The following SRGAP1 variants were observed in gnomAD, a reference collection of about 807,000 sequenced individuals.
The protein encoded by SRGAP1 is SLIT-ROBO Rho GTPase-activating protein 1.
A neutral mutation model predicts 121.9 loss-of-function variants in SRGAP1; 43 were observed. The ratio of observed to expected loss-of-function variants is 0.35; its 90% CI spans 0.28 to 0.46. The LOEUF is 0.46. Ranked by LOEUF, SRGAP1 falls within the 20% of genes least tolerant of loss-of-function variation. The probability of loss-of-function intolerance (pLI) is 1.00; values close to 1 mark genes in which losing one functional copy is unlikely to be tolerated. For synonymous variants in SRGAP1, 447 were observed against 485.4 expected, an observed-to-expected ratio of 0.92 and a Z score of 1.04; for missense variants, 1,102 against 1,350.9, an observed-to-expected ratio of 0.82 and a Z score of 2.89.
intron 1 of SRGAP1, among the ~76,000 whole-genome samples, chr12:63,856,359 T>C (rs930298672): frequency 1.3e-5 from 2 of 152,192 alleles, no homozygotes; most frequent in Non-Finnish European, 2.9e-5. Flanking sequence ...CAATTATTTA[T>C]ATTTGGTGTT....
At chr12:63,907,279 G>A (rs1378216193) in intron 1 of SRGAP1, among the ~76,000 whole-genome samples, 2 of 152,146 alleles carry the variant, frequency 1.3e-5, no homozygotes, top group African/African-American at 4.8e-5. Flanking sequence ...GCTCATGCCT[G>A]TAATCCCAGC....
chr12:64,065,369 A>T, intron 8 of SRGAP1, 150 bp downstream of exon 8: 1 of 697,306 alleles, frequency 1.4e-6, no homozygotes, highest in Non-Finnish European at 2.4e-6. Context: ...TACTCTTTGT[A>T]GGGGATAAAT....
chr12:63,874,212 T>C (rs1015075801), intron 1 of SRGAP1, among the ~76,000 whole-genome samples: 1 of 149,452 alleles, frequency 6.7e-6, no homozygotes, highest in Non-Finnish European at 1.5e-5. Flanking sequence ...AGTATGACTC[T>C]TTTTTTTTTG....
intron 14 of SRGAP1, 111 bp from the exon 15 acceptor site, chr12:64,097,130 C>A (rs2136593743): frequency 9.3e-7 from 1 of 1,072,982 alleles, no homozygotes; most frequent in Non-Finnish European, 1.3e-6. Context: ...TTTCATAAAG[C>A]ATAATTAAAA....
At chr12:64,082,743 C>G (rs117395553) in intron 10 of SRGAP1, among the ~76,000 whole-genome samples, 2,999 of 152,312 alleles carry the variant, frequency 0.02, 42 homozygotes, top group Middle Eastern at 0.068. Context: ...CCACCGTGCC[C>G]AGCTCAGGAT....
rs1422001995 is a variant in SRGAP1 at position 64,095,210 on chromosome 12, T to C, written c.1678+6T>C. 2.5e-6 allele frequency: 4 copies of C among 1,612,630 alleles called. No homozygotes were observed. The highest frequency in any genetic ancestry group is 2.5e-6 in the Non-Finnish European group (3 of 1,179,158). ...TAAAAATTCATTTGAGAGAGGTAAT[T>C]GCACGTCTATCCCTATAAGCAAACC... On this transcript the variant is annotated splice_donor_region_variant and intron_variant, in intron 14 of 21. Transcript: ENST00000355086.
chr12:64,111,697 T>TTAA, intron 16 of SRGAP1, 65 bp from the exon 17 acceptor site: 3 of 1,389,592 alleles, frequency 2.2e-6, no homozygotes, highest in Non-Finnish European at 2.9e-6. Flanking sequence ...TATCTTGTTA[T>TTAA]TAAACATTTA....
chr12:64,102,594 A>G (rs967599776), intron 15 of SRGAP1, among the ~76,000 whole-genome samples: 4 of 152,162 alleles, frequency 2.6e-5, no homozygotes, highest in Admixed American at 2.6e-4. Context: ...CCCCGGCCCT[A>G]GGCAATCACT....
intron 1 of SRGAP1, among the ~76,000 whole-genome samples, chr12:63,946,220 G>A (rs982746777): frequency 6.6e-6 from 1 of 151,284 alleles, no homozygotes; most frequent in Admixed American, 6.6e-5. Flanking sequence ...TCTCCTTTAT[G>A]TTACCATTGT....
At chr12:64,052,568 A>AT (rs1271531073) in intron 6 of SRGAP1, among the ~76,000 whole-genome samples, 2 of 151,924 alleles carry the variant, frequency 1.3e-5, no homozygotes, top group African/African-American at 4.8e-5. Context: ...AAAAAAAAAC[A>AT]AAATAAACGT....
At chr12:64,112,765 T>C (rs1190660088) in intron 17 of SRGAP1, among the ~76,000 whole-genome samples, 2 of 152,110 alleles carry the variant, frequency 1.3e-5, no homozygotes, top group African/African-American at 4.8e-5. Flanking sequence ...TGAAGGTCAT[T>C]ATGTTAAGTG....
chr12:64,129,290 G>A (rs981933791), intron 21 of SRGAP1, among the ~76,000 whole-genome samples: 4 of 152,118 alleles, frequency 2.6e-5, no homozygotes, highest in Admixed American at 6.5e-5. Flanking sequence ...TGAAGAACTT[G>A]GAGTCTGATG....
chr12:63,996,524 T>TC, intron 3 of SRGAP1, among the ~76,000 whole-genome samples: 1 of 152,268 alleles, frequency 6.6e-6, no homozygotes, highest in South Asian at 2.1e-4. Context: ...TGAATTAAAT[T>TC]CTTACTGTTT....
chr12:63,920,529 A>G (rs1456269523), intron 1 of SRGAP1, among the ~76,000 whole-genome samples: 1 of 152,186 alleles, frequency 6.6e-6, no homozygotes, highest in African/African-American at 2.4e-5. Context: ...AGACATGACA[A>G]GGCGATTAGA....
intron 1 of SRGAP1, among the ~76,000 whole-genome samples, chr12:63,932,023 T>G (rs2031493761): frequency 6.6e-6 from 1 of 152,216 alleles, no homozygotes; most frequent in African/African-American, 2.4e-5. Context: ...TACCTGTCCA[T>G]GTGATTTAAC....
In SRGAP1 at chr12:64,097,223, T is replaced by G. The variant is rs1484986120; in HGVS notation, c.1679-18T>G. 1.5e-5 allele frequency: 3 copies of G among 198,410 alleles called. No individual in the cohort carries two copies. Among genetic ancestry groups the G allele is most frequent in the South Asian group, 1.1e-4 (1 of 9,030 alleles). 12.3% of individuals were successfully genotyped at this position (198,410 alleles called of 1,614,324 possible). On this transcript the variant is annotated intron_variant, in intron 14 of 21. Transcript: ENST00000355086. Reference sequence around the variant, plus strand: ...AAAGAAGCACTGTTAATGTAATGAGTTTTTTTTTTTTTTTTAGGTGAAAAT... The same window carrying G: ...AAAGAAGCACTGTTAATGTAATGAGGTTTTTTTTTTTTTTTAGGTGAAAAT...
chr12:63,863,020 C>T (rs1484921987), intron 1 of SRGAP1, among the ~76,000 whole-genome samples: 2 of 152,076 alleles, frequency 1.3e-5, no homozygotes, highest in South Asian at 4.2e-4. Flanking sequence ...CTTTGGCTGA[C>T]CCCAGGGCTT....
intron 1 of SRGAP1, among the ~76,000 whole-genome samples, chr12:63,962,262 C>T (rs1161290641): frequency 6.6e-6 from 1 of 152,134 alleles, no homozygotes; most frequent in East Asian, 1.9e-4. Context: ...CTCTACTTCC[C>T]AATAAGAGTG....
At chr12:64,011,602 G>A (rs1337956073) in intron 3 of SRGAP1, among the ~76,000 whole-genome samples, 1 of 152,050 alleles carries the variant, frequency 6.6e-6, no homozygotes, top group Non-Finnish European at 1.5e-5. Context: ...TGGTGAAATT[G>A]AATAAAGAAA....
Sources: gnomAD v4.1 joint callset for allele counts (sites outside exome capture counted in the v4.1 genomes callset) on GRCh38, gnomAD v4.1.1 for gene constraint, MANE v1.5 for transcripts, NCBI Gene and HGNC (gene_info 2026-07-23, HGNC 2026-07-21) for gene names.